The following SETDB1 variants were observed in gnomAD, a reference collection of about 807,000 sequenced individuals.
The protein encoded by SETDB1 is histone-lysine N-methyltransferase SETDB1.
In SETDB1, 31 loss-of-function variants were observed where a neutral mutation model predicts 137.4. The observed-to-expected ratio is 0.23, with a 90% CI of 0.17 to 0.30. The LOEUF (loss-of-function observed/expected upper bound fraction) is 0.30, where lower values mean the gene tolerates loss of function less well. Among genes scored for constraint, SETDB1 ranks in the 10% least tolerant of loss-of-function variants. The probability of loss-of-function intolerance (pLI) is 1.00; values close to 1 mark genes in which losing one functional copy is unlikely to be tolerated. For missense variants in SETDB1, 1,113 were observed against 1,631.5 expected (o/e 0.68, Z 5.47); for synonymous variants, 548 against 579.9 (o/e 0.95, Z 0.79).
intron 5 of SETDB1, 37 bp downstream of exon 5, chr1:150,941,465 T>C: frequency 1.6e-6 from 2 of 1,256,290 alleles, no homozygotes. Context: ...AGATGGGAGG[T>C]GAATTCTTAC....
At chr1:150,954,401 C>A (rs1017537067) in intron 14 of SETDB1, among the ~76,000 whole-genome samples, 1 of 152,020 alleles carries the variant, frequency 6.6e-6, no homozygotes, top group Non-Finnish European at 1.5e-5. Context: ...AACTAATAAA[C>A]CTAGTGATCA....
Position 150,961,133 on chromosome 1 carries a change from C to G in SETDB1, c.3074C>G (p.Ala1025Gly), listed in dbSNP as rs767282393. ...AGGSRMEAEK[A>G]STSGLGIKDE... Reference sequence around the variant, plus strand: ...GGAAGCCGAATGGAGGCTGAGAAGGCCTCCACCTCAGGACTAGGCATCAAG... The same window carrying G: ...GGAAGCCGAATGGAGGCTGAGAAGGGCTCCACCTCAGGACTAGGCATCAAG... The change falls in exon 16 of 22, where the codon GCC becomes GGC. Residue 1025 changes from alanine (A) to glycine (G), a missense_variant. This residue lies in a region of SETDB1 where 373 missense variants were observed against 412.7 expected (regional missense o/e 0.90). Coordinates refer to ENST00000692827, the MANE Select transcript of SETDB1 (RefSeq NM_001366418.1). 2 of 1,614,026 alleles carry G rather than the reference C, an allele frequency of 1.2e-6. No homozygotes were observed. Among genetic ancestry groups the G allele is most frequent in the South Asian group, 2.2e-5 (2 of 91,072 alleles).
At chr1:150,933,758 T>TTTCTTC (rs1272296590) in intron 3 of SETDB1, among the ~76,000 whole-genome samples, 16 of 120,860 alleles carry the variant, frequency 1.3e-4, no homozygotes, top group African/African-American at 3.6e-4. Flanking sequence ...TCTTTTTCTT[T>TTTCTTC]TTCTTTTTCT....
chr1:150,949,551 G>A, intron 12 of SETDB1, 26 bp downstream of exon 12: 2 of 1,610,966 alleles, frequency 1.2e-6, no homozygotes, highest in Non-Finnish European at 1.7e-6. Context: ...GCTCTCTGTA[G>A]GCAGGATAGC....
chr1:150,940,858 C>T (rs1670118565), intron 4 of SETDB1, among the ~76,000 whole-genome samples: 1 of 152,110 alleles, frequency 6.6e-6, no homozygotes, highest in African/African-American at 2.4e-5. Flanking sequence ...ATTAGCTGGG[C>T]ATGGTGGCAC....
At position 150,960,447 on chromosome 1, in the gene SETDB1, A is replaced by C. The variant is rs1055062295; in HGVS notation, c.2504-116A>C. On this transcript the variant is annotated intron_variant, in intron 15 of 21. Coordinates refer to ENST00000692827, the MANE Select transcript of SETDB1 (RefSeq NM_001366418.1). ...AGCCGAGATCGCGCCACTGCACTCC[A>C]GCCTGGGTGACAGAGCAAGACTCCA... 4 of 918,192 alleles carry C rather than the reference A, an allele frequency of 4.4e-6. No individual in the cohort carries two copies. The African/African-American group carries it at 6.8e-5, about 16-fold the overall frequency. 56.9% of individuals were successfully genotyped at this position (918,192 alleles called of 1,614,324 possible). A position where few individuals can be genotyped will look rare whatever the true frequency, so the allele number is the denominator to read the frequency against.
At chr1:150,943,897 C>G in intron 7 of SETDB1, 23 bp from the exon 8 acceptor site, 1 of 1,473,160 alleles carries the variant, frequency 6.8e-7, no homozygotes, top group Non-Finnish European at 9.5e-7. Context: ...CCAGATCTTT[C>G]TGCTGTCACT....
chr1:150,926,855 G>A (rs188174445), intron 1 of SETDB1: 4 of 532,876 alleles, frequency 7.5e-6, no homozygotes, highest in Admixed American at 5.8e-5. Context: ...TGTACTTTGG[G>A]GGAAACCTTT....
At position 150,960,974 on chromosome 1, in the gene SETDB1, C is replaced by T; in HGVS notation, c.2915C>T (p.Pro972Leu). The change falls in exon 16 of 22, where the codon CCT becomes CTT. Residue 972 changes from proline (P) to leucine (L), a missense_variant. Pro to Leu is a moderately conservative substitution (Grantham distance 98, BLOSUM62 -3). Coordinates refer to ENST00000692827, the MANE Select transcript of SETDB1 (RefSeq NM_001366418.1). ...PSIPVGGCNP[P>L]SSEETPKNKV... ...ATCCCTGTAGGTGGCTGCAATCCACCTTCCTCCGAAGAGACACCCAAGAAC... is the reference window on the plus strand; with the variant it reads ...ATCCCTGTAGGTGGCTGCAATCCACTTTCCTCCGAAGAGACACCCAAGAAC... The T allele has an allele frequency of 1.2e-6, 2 of 1,614,000 alleles. No homozygotes were observed. The highest frequency in any genetic ancestry group is 1.3e-5 in the African/African-American group (1 of 74,960).
intron 1 of SETDB1, 98 bp downstream of exon 1, chr1:150,926,615 C>T (rs1230078086): frequency 2.3e-6 from 1 of 432,266 alleles, no homozygotes; most frequent in African/African-American, 2.1e-5. Flanking sequence ...GGAAGTCTTC[C>T]CCAGAGGCGA....
intron 3 of SETDB1, among the ~76,000 whole-genome samples, chr1:150,930,874 A>C (rs1246327351): frequency 6.6e-6 from 1 of 152,044 alleles, no homozygotes; most frequent in Non-Finnish European, 1.5e-5. Context: ...CATGCAAGTA[A>C]AGTCTGTTTT....
rs771071288 is a variant in SETDB1, at chr1:150,963,754, T to C, written c.3672+13T>C. On this transcript the variant is annotated intron_variant, in intron 20 of 21. Transcript: ENST00000692827. ...CCGCTACCTCAACGTGAGACCCCTC[T>C]CCCCACCTCTAGATGCTGGATTATC... The C allele has an allele frequency of 2.5e-6, 4 of 1,611,936 alleles. No individual in the cohort carries two copies. Among genetic ancestry groups the C allele is most frequent in the East Asian group, 2.2e-5 (1 of 44,882 alleles).
intron 2 of SETDB1, 76 bp downstream of exon 2, chr1:150,928,050 G>A: frequency 6.7e-7 from 1 of 1,488,388 alleles, no homozygotes; most frequent in Non-Finnish European, 9.2e-7. Flanking sequence ...TCATGACATT[G>A]AACCAAGCAT....
chr1:150,962,829 T>A (rs1274320590), intron 18 of SETDB1, 110 bp downstream of exon 18: 2 of 1,461,856 alleles, frequency 1.4e-6, no homozygotes, highest in Non-Finnish European at 9.4e-7. Flanking sequence ...TTCTTTAGCC[T>A]TGACTTCCTG....
chr1:150,961,912 C>T (rs1670836485), intron 16 of SETDB1: 1 of 632,098 alleles, frequency 1.6e-6, no homozygotes, highest in Admixed American at 2.4e-5. Flanking sequence ...GTGGTGTTTT[C>T]CATGAGCATT....
chr1:150,961,520 T>C, intron 16 of SETDB1: 1 of 319,300 alleles, frequency 3.1e-6, no homozygotes, highest in Non-Finnish European at 6.0e-6. Context: ...CCGGGCGTGG[T>C]GGTGCATGCC....
intron 3 of SETDB1, among the ~76,000 whole-genome samples, chr1:150,931,848 T>C (rs587639818): frequency 6.6e-6 from 1 of 151,922 alleles, no homozygotes. Flanking sequence ...TTTATTAAAT[T>C]AAAGGAATCC....
intron 2 of SETDB1, 32 bp downstream of exon 2, chr1:150,928,006 T>A: frequency 1.2e-6 from 2 of 1,601,574 alleles, no homozygotes; most frequent in Non-Finnish European, 1.7e-6. Context: ...GAAGGAAATC[T>A]CTCCATTGGG....
intron 9 of SETDB1, 83 bp from the exon 10 acceptor site, chr1:150,946,803 C>T (rs1287025874): frequency 1.3e-6 from 2 of 1,503,690 alleles, no homozygotes; most frequent in East Asian, 2.3e-5. Context: ...AGAGGTGACA[C>T]ATGGTATATA....
Sources: allele counts gnomAD v4.1 joint callset (sites outside exome capture counted in the v4.1 genomes callset), GRCh38; gene constraint gnomAD v4.1.1; regional missense constraint gnomAD v4.1.1; transcripts MANE v1.5; gene names NCBI Gene and HGNC (gene_info 2026-07-23, HGNC 2026-07-21).